The following ATF3 variants were observed in gnomAD, a reference collection of about 807,000 sequenced individuals.
ATF3 encodes cyclic AMP-dependent transcription factor ATF-3.
Under a neutral mutation model 18.4 loss-of-function variants are expected in ATF3, and 10 were observed. The ratio of observed to expected loss-of-function variants is 0.54; its 90% CI spans 0.34 to 0.92. The LOEUF is 0.92. Ranked by LOEUF, ATF3 falls within the 40% of genes least tolerant of loss-of-function variation. The probability of loss-of-function intolerance (pLI) is 0.02; values close to 1 mark genes in which losing one functional copy is unlikely to be tolerated. For missense variants in ATF3, 183 were observed against 222.3 expected (o/e 0.82, Z 1.12); for synonymous variants, 78 against 87.9 (o/e 0.89, Z 0.63).
intron 2 of ATF3, among the ~76,000 whole-genome samples, chr1:212,617,238 G>A (rs35087018): frequency 1.2e-4 from 19 of 152,194 alleles, no homozygotes; most frequent in Admixed American, 2.6e-4. Context: ...CTTGGGACCA[G>A]GTGTTGCTCC....
chr1:212,595,217 C>T (rs527422724), intron 1 of ATF3, among the ~76,000 whole-genome samples: 14 of 152,264 alleles, frequency 9.2e-5, no homozygotes, highest in Non-Finnish European at 1.5e-4. Context: ...CTCTTTGGCT[C>T]GTTAGAAAAA....
intron 1 of ATF3, among the ~76,000 whole-genome samples, chr1:212,569,284 A>T (rs547598165): frequency 6.6e-6 from 1 of 152,234 alleles, no homozygotes; most frequent in Admixed American, 6.5e-5. Flanking sequence ...GATAAGAGAA[A>T]CTGATTAAAG....
chr1:212,597,234 C>T (rs979209906), intron 1 of ATF3, among the ~76,000 whole-genome samples: 10 of 151,824 alleles, frequency 6.6e-5, no homozygotes, highest in Non-Finnish European at 1.2e-4. Context: ...TAGGGAATGA[C>T]GACAAGAAAA....
At position 212,619,692 on chromosome 1, in the gene ATF3, C is replaced by A; in HGVS notation, c.*137C>A. Reference sequence around the variant, plus strand: ...GCAGAGAACCATCAAGGCGGGAGGGCCTGCAGTGATTCAGCAGGCCCTTCC... The same window carrying A: ...GCAGAGAACCATCAAGGCGGGAGGGACTGCAGTGATTCAGCAGGCCCTTCC... On this transcript the variant is annotated 3_prime_UTR_variant, in exon 4 of 4. Coordinates refer to ENST00000341491, the MANE Select transcript of ATF3 (RefSeq NM_001674.4). The surrounding 1 kb of genome is among the most constrained non-coding windows in gnomAD (Gnocchi z 4.4). 2 of 1,247,004 alleles carry A rather than the reference C, an allele frequency of 1.6e-6. No individual in the cohort carries two copies. Among genetic ancestry groups the A allele is most frequent in the Non-Finnish European group, 2.2e-6 (2 of 893,118 alleles). 77.2% of individuals were successfully genotyped at this position (1,247,004 alleles called of 1,614,324 possible).
At chr1:212,569,593 AT>A (rs923511769) in intron 1 of ATF3, among the ~76,000 whole-genome samples, 75 of 151,054 alleles carry the variant, frequency 5.0e-4, no homozygotes, top group African/African-American at 1.7e-3. Flanking sequence ...GAACCAGTAA[AT>A]TTTTTTTTGG....
intron 1 of ATF3, among the ~76,000 whole-genome samples, chr1:212,611,333 AC>A (rs986756404): frequency 6.6e-6 from 1 of 152,252 alleles, no homozygotes; most frequent in African/African-American, 2.4e-5. Flanking sequence ...TGAATTGATA[AC>A]AACAGAATGA....
At chr1:212,571,179 T>C (rs897674961) in intron 1 of ATF3, among the ~76,000 whole-genome samples, 3 of 152,232 alleles carry the variant, frequency 2.0e-5, no homozygotes, top group Non-Finnish European at 2.9e-5. Context: ...CAGTGGTAGC[T>C]TATTGTAGTT....
At chr1:212,596,902 T>G (rs1177040805) in intron 1 of ATF3, among the ~76,000 whole-genome samples, 2 of 152,256 alleles carry the variant, frequency 1.3e-5, no homozygotes, top group African/African-American at 4.8e-5. Flanking sequence ...TTGGGGTATC[T>G]GCTAAGTGCC....
chr1:212,586,986 G>C (rs1439286278), intron 1 of ATF3, among the ~76,000 whole-genome samples: 2 of 152,176 alleles, frequency 1.3e-5, no homozygotes, highest in Non-Finnish European at 1.5e-5. Context: ...GAGCCCTCCA[G>C]GTGCAGAGAA....
At chr1:212,609,523 A>G (rs1276891252) in intron 1 of ATF3, among the ~76,000 whole-genome samples, 1 of 152,238 alleles carries the variant, frequency 6.6e-6, no homozygotes, top group Non-Finnish European at 1.5e-5. Context: ...ACCCCGCAGC[A>G]CTGGCGGCAG....
intron 1 of ATF3, among the ~76,000 whole-genome samples, chr1:212,589,461 A>T (rs981600309): frequency 6.6e-6 from 1 of 152,206 alleles, no homozygotes; most frequent in Non-Finnish European, 1.5e-5. Context: ...AAGTGTACAG[A>T]GGGAACCCAT....
chr1:212,569,514 A>C (rs1664442392), intron 1 of ATF3, among the ~76,000 whole-genome samples: 1 of 152,232 alleles, frequency 6.6e-6, no homozygotes, highest in South Asian at 2.1e-4. Context: ...AAGAGAAAGG[A>C]GACAGTAGAC....
rs180733530 is a variant in ATF3, at chr1:212,570,814, A to G, written c.-5+5331A>G. On this transcript the variant is annotated intron_variant, in intron 1 of 3. Coordinates refer to the ATF3 transcript ENST00000366981. ...TCAGGAATTTGTGTCTTTGTTACTA[A>G]AAGTAAGCTTTCATTATAGTATGTC... is the stretch of plus-strand genomic sequence containing the variant. 2.0e-5 allele frequency among the ~76,000 whole-genome samples: 3 copies of G among 152,322 alleles called. No individual in the cohort carries two copies. The East Asian group carries it at 5.8e-4, about 29-fold the overall frequency.
At chr1:212,585,686 A>G (rs886568388) in intron 1 of ATF3, among the ~76,000 whole-genome samples, 1 of 152,244 alleles carries the variant, frequency 6.6e-6, no homozygotes, top group Non-Finnish European at 1.5e-5. Context: ...CACAGAAAAC[A>G]GAGTCTTCTT....
chr1:212,613,287 T>C (rs1283315770), intron 1 of ATF3: 1 of 152,208 alleles, frequency 6.6e-6, no homozygotes, highest in Non-Finnish European at 1.5e-5. Context: ...CCCACCTACC[T>C]TAAGGCCTGC....
At chr1:212,566,536 G>A (rs1488744311) in intron 1 of ATF3, among the ~76,000 whole-genome samples, 1 of 152,148 alleles carries the variant, frequency 6.6e-6, no homozygotes, top group Non-Finnish European at 1.5e-5. Context: ...CAGGCTGAGG[G>A]GTGATGTTTG....
Position 212,585,069 on chromosome 1 carries a change from A to T in ATF3, c.-5+19586A>T, listed in dbSNP as rs535558672. Among the ~76,000 whole-genome samples, 10 of 152,154 alleles carry T rather than the reference A, an allele frequency of 6.6e-5. No homozygotes were observed. The South Asian group carries it at 1.9e-3, about 28-fold the overall frequency. On this transcript the variant is annotated intron_variant, in intron 1 of 3. Coordinates refer to the ATF3 transcript ENST00000366981. ...GAGAAGAGAAACCCTACAAGATAAG[A>T]TGTGTTCTGAGTGTCGGAGGGGTGG...
At chr1:212,582,696 G>C (rs1664706251) in intron 1 of ATF3, among the ~76,000 whole-genome samples, 1 of 152,100 alleles carries the variant, frequency 6.6e-6, no homozygotes, top group South Asian at 2.1e-4. Flanking sequence ...CCCTGCAGAG[G>C]GATTGAGCAG....
rs1223240247 is a variant in ATF3, at chr1:212,618,999, G to C, written c.349-359G>C. The C allele has an allele frequency of 6.2e-7, 1 of 1,612,578 alleles. No homozygotes were observed. Among genetic ancestry groups the C allele is most frequent in the Non-Finnish European group, 8.5e-7 (1 of 1,178,712 alleles). On this transcript the variant is annotated intron_variant, in intron 3 of 3. Coordinates refer to ENST00000341491, the MANE Select transcript of ATF3 (RefSeq NM_001674.4). This position sits in a 1 kb window ranked among gnomAD's most constrained non-coding sequence, Gnocchi z 4.4. ...GGAGATGAGCTTCTCATTGAGATCT[G>C]TGACTCAGAATCGACTAAGCCACCA...
Sources: gnomAD v4.1 joint callset for allele counts (sites outside exome capture counted in the v4.1 genomes callset) on GRCh38, gnomAD v4.1.1 for gene constraint, Gnocchi (gnomAD v3.1) non-coding constraint, MANE v1.5 for transcripts, NCBI Gene and HGNC (gene_info 2026-07-23, HGNC 2026-07-21) for gene names.